The following XKR4 variants were observed in gnomAD, a reference collection of about 807,000 sequenced individuals.
XKR4 encodes XK-related protein 4.
A neutral mutation model predicts 53.9 loss-of-function variants in XKR4; 12 were observed. The observed-to-expected ratio is 0.22, with a 90% CI of 0.14 to 0.36. The LOEUF (loss-of-function observed/expected upper bound fraction) is 0.36. Among genes scored for constraint, XKR4 ranks in the 10% least tolerant of loss-of-function variants. XKR4 has a pLI of 1.00. For missense variants in XKR4, 799 were observed against 859.5 expected (o/e 0.93, Z 0.88); for synonymous variants, 354 against 362.4 (o/e 0.98, Z 0.26).
intron 2 of XKR4, among the ~76,000 whole-genome samples, chr8:55,463,489 A>C (rs1805697564): frequency 6.6e-6 from 1 of 151,746 alleles, no homozygotes; most frequent in African/African-American, 2.4e-5. Flanking sequence ...TGTAGAGGGA[A>C]ATTTATAGCA....
intron 1 of XKR4, among the ~76,000 whole-genome samples, chr8:55,297,139 A>T (rs989307917): frequency 6.6e-6 from 1 of 152,186 alleles, no homozygotes; most frequent in Admixed American, 6.6e-5. Context: ...GGGCTGGAGG[A>T]TTGGTGTCTA....
chr8:55,353,598 TA>T (rs1392798348), intron 1 of XKR4, among the ~76,000 whole-genome samples: 1 of 152,206 alleles, frequency 6.6e-6, no homozygotes, highest in Non-Finnish European at 1.5e-5. Flanking sequence ...CACACTCTGT[TA>T]AAGCAGCTCT....
At chr8:55,335,442 T>C (rs1803445879) in intron 1 of XKR4, among the ~76,000 whole-genome samples, 1 of 151,976 alleles carries the variant, frequency 6.6e-6, no homozygotes, top group Non-Finnish European at 1.5e-5. Context: ...TAAAGGAAAA[T>C]ATTTTTAACA....
chr8:55,368,264 C>G (rs986252677), intron 2 of XKR4, among the ~76,000 whole-genome samples: 5 of 152,152 alleles, frequency 3.3e-5, no homozygotes, highest in African/African-American at 7.2e-5. Context: ...CCACAATGAT[C>G]TTTCTATCAC....
At chr8:55,146,604 CAT>C (rs1472677075) in intron 1 of XKR4, among the ~76,000 whole-genome samples, 2 of 152,186 alleles carry the variant, frequency 1.3e-5, no homozygotes, top group African/African-American at 2.4e-5. Context: ...TAAATAGTCA[CAT>C]GTGGCTAGTG....
chr8:55,261,662 T>C (rs1818527804), intron 1 of XKR4, among the ~76,000 whole-genome samples: 1 of 152,206 alleles, frequency 6.6e-6, no homozygotes, highest in African/African-American at 2.4e-5. Context: ...CTTCAAGCTT[T>C]CTTTGAAAAT....
chr8:55,262,121 A>T (rs1409016375), intron 1 of XKR4, among the ~76,000 whole-genome samples: 1 of 152,200 alleles, frequency 6.6e-6, no homozygotes. Flanking sequence ...GAGAATATAG[A>T]TGTAAATATT....
intron 1 of XKR4, among the ~76,000 whole-genome samples, chr8:55,332,842 A>G (rs1205869564): frequency 6.8e-6 from 1 of 146,596 alleles, no homozygotes; most frequent in African/African-American, 2.5e-5. Context: ...TTTTTTTTTT[A>G]CTGGAACTTC....
At chr8:55,361,600 C>T (rs1803910095) in intron 2 of XKR4, among the ~76,000 whole-genome samples, 2 of 152,134 alleles carry the variant, frequency 1.3e-5, no homozygotes, top group Non-Finnish European at 2.9e-5. Context: ...TGCCCTCTTC[C>T]TTCCCTTCTC....
chr8:55,377,092 C>T lies in XKR4; in HGVS notation c.1006+19215C>T, dbSNP rs113072581. 2.6e-3 allele frequency among the ~76,000 whole-genome samples: 403 copies of T among 152,236 alleles called. 2 individuals are homozygous for T. The highest frequency in any genetic ancestry group is 8.7e-3 in the African/African-American group (360 of 41,538). On this transcript the variant is annotated intron_variant, in intron 2 of 2. Transcript: ENST00000327381. ...GCCTGATGACAATGGCACTTGTCCC[C>T]GCCACCACCACCACCTGGAAAATGA...
intron 1 of XKR4, among the ~76,000 whole-genome samples, chr8:55,215,078 A>AC (rs1817781950): frequency 1.3e-5 from 2 of 151,896 alleles, no homozygotes; most frequent in South Asian, 4.2e-4. Flanking sequence ...TATGGTTAAA[A>AC]AAAAAAAAAA....
chr8:55,142,567 C>T (rs939373081), intron 1 of XKR4, among the ~76,000 whole-genome samples: 2 of 152,128 alleles, frequency 1.3e-5, no homozygotes, highest in African/African-American at 4.8e-5. Flanking sequence ...TCAAGTGTAC[C>T]ATAGCTTAGA....
At chr8:55,480,603 A>G (rs973450371) in intron 2 of XKR4, among the ~76,000 whole-genome samples, 50 of 152,204 alleles carry the variant, frequency 3.3e-4, no homozygotes, top group African/African-American at 1.1e-3. Context: ...GAAAAGAGGA[A>G]GTCAAATTGT....
intron 2 of XKR4, among the ~76,000 whole-genome samples, chr8:55,369,673 T>C (rs1371730146): frequency 6.6e-6 from 1 of 152,084 alleles, no homozygotes; most frequent in Non-Finnish European, 1.5e-5. Context: ...TGTTTTAATA[T>C]ATATTACATT....
chr8:55,357,350 CT>C (rs1359402548), intron 1 of XKR4, among the ~76,000 whole-genome samples: 1 of 152,154 alleles, frequency 6.6e-6, no homozygotes, highest in African/African-American at 2.4e-5. Context: ...CATAAAGAAA[CT>C]GACAAAAAAG....
At position 55,372,005 on chromosome 8, in the gene XKR4, C is replaced by T. The variant is rs145962582; in HGVS notation, c.1006+14128C>T. On this transcript the variant is annotated intron_variant, in intron 2 of 2. Transcript: ENST00000327381. ...TCAGTATTTCTCCTCTCTCCTGCCT[C>T]TCCTTCCCTCTGAGGTGTGGTGAGC... Among the ~76,000 whole-genome samples the T allele has an allele frequency of 5.5e-4, 84 of 152,342 alleles. 1 individual carries two copies. Among genetic ancestry groups the T allele is most frequent in the Middle Eastern group, 6.8e-3 (2 of 294 alleles).
At position 55,492,309 on chromosome 8, in the gene XKR4, T is replaced by C. The variant is rs533024699; in HGVS notation, c.1007-30972T>C. ...ATATTTAGTAGGAGTTTCAAGAATG[T>C]CTTTATAATGGGCCAGATTGTCTCA... On this transcript the variant is annotated intron_variant, in intron 2 of 2. Transcript: ENST00000327381. 1.2e-4 allele frequency among the ~76,000 whole-genome samples: 18 copies of C among 152,344 alleles called. No individual in the cohort carries two copies. In the South Asian group the frequency reaches 1.2e-3, roughly 11 times the overall value.
At position 55,524,082 on chromosome 8, in the gene XKR4, G is replaced by T; in HGVS notation, c.1808G>T (p.Arg603Met). The change falls in exon 3 of 3, where the codon AGG becomes ATG. Residue 603 changes from arginine (R) to methionine (M), a missense_variant. Arg to Met is a moderately conservative substitution (Grantham distance 91). Around this residue, in one of 3 missense-constraint regions of XKR4, gnomAD observed 269 missense variants for 264.4 expected, o/e 1.02. Transcript: ENST00000327381. ...SVIKIDLFRN[R>M]YPAWERHVLD... ...ATTAAAATTGACTTGTTCAGGAATA[G>T]GTACCCAGCATGGGAGAGACATGTT... 1 of 1,614,208 alleles carries T rather than the reference G, an allele frequency of 6.2e-7. No homozygotes were observed. Among genetic ancestry groups the T allele is most frequent in the Non-Finnish European group, 8.5e-7 (1 of 1,180,036 alleles).
intron 2 of XKR4, among the ~76,000 whole-genome samples, chr8:55,403,849 A>T (rs977564782): frequency 3.9e-5 from 6 of 152,202 alleles, no homozygotes; most frequent in Non-Finnish European, 1.5e-5. Flanking sequence ...TTTTCTTCTC[A>T]ATAAAAAGCT....
Sources: allele counts gnomAD v4.1 joint callset (sites outside exome capture counted in the v4.1 genomes callset), GRCh38; gene constraint gnomAD v4.1.1; regional missense constraint gnomAD v4.1.1; transcripts MANE v1.5; gene names NCBI Gene and HGNC (gene_info 2026-07-23, HGNC 2026-07-21).